Variants in CEBPZOS observed in about 807,000 individuals in gnomAD.
CEBPZOS encodes protein CEBPZOS.
Under a neutral mutation model 4.8 loss-of-function variants are expected in CEBPZOS, and 10 were observed. The ratio of observed to expected loss-of-function variants is 2.07; its 90% CI spans 1.28 to 3.52. CEBPZOS has a LOEUF of 3.52. Ranked by LOEUF, CEBPZOS falls within the 30% of genes most tolerant of loss-of-function variation. CEBPZOS has a pLI of 0.00. For synonymous variants in CEBPZOS, 25 were observed against 14.2 expected, an observed-to-expected ratio of 1.77 and a Z score of -1.72; for missense variants, 98 against 43.6, an observed-to-expected ratio of 2.25 and a Z score of -3.51.
At chr2:37,210,725 C>G (rs1677694302) in intron 4 of CEBPZOS, 1 of 318,678 alleles carries the variant, frequency 3.1e-6, no homozygotes, top group Non-Finnish European at 5.9e-6. Flanking sequence ...AAGAACTTAC[C>G]TATGTAACCA....
chr2:37,209,795 C>T (rs1677661120), intron 4 of CEBPZOS: 1 of 152,032 alleles, frequency 6.6e-6, no homozygotes, highest in African/African-American at 2.4e-5. Flanking sequence ...CTTAATTAAG[C>T]TAAAAAGCGT....
At chr2:37,201,770 C>T (rs758668583) in intron 4 of CEBPZOS, 44 bp downstream of exon 4, 4 of 1,406,192 alleles carry the variant, frequency 2.8e-6, no homozygotes, top group South Asian at 2.3e-5. Flanking sequence ...TAACTCATTT[C>T]CTTTGTTTTT....
Position 37,201,691 on chromosome 2 carries a change from A to G in CEBPZOS, c.210A>G (p.Leu70=). Residue 70 remains leucine (L), a synonymous_variant, in exon 4 of 5, where the codon CTA becomes CTG. Transcript: ENST00000402297. ...EKSGMYGIRE[L]DQKTWLNSKN is the part of the protein sequence containing the mutation. The stretch of plus-strand genomic sequence containing the variant: ...CTGGAATGTATGGAATCAGAGAGCT[A>G]GATCAAAAAACATGGTTGAACAGCA... 1 of 895,448 alleles carries G rather than the reference A, an allele frequency of 1.1e-6. No individual in the cohort carries two copies. Among genetic ancestry groups the G allele is most frequent in the Non-Finnish European group, 1.8e-6 (1 of 547,292 alleles). The allele number at this position is 895,448 out of a possible 1,614,324, so 55.5% of individuals were successfully genotyped here.
downstream of CEBPZOS, among the ~76,000 whole-genome samples, chr2:37,208,320 C>T (rs1026338122): frequency 3.3e-5 from 5 of 151,988 alleles, no homozygotes; most frequent in African/African-American, 1.2e-4. Flanking sequence ...GCCCTAATTC[C>T]AAAATCAGGA....
downstream of CEBPZOS, among the ~76,000 whole-genome samples, chr2:37,208,694 C>T (rs1170003809): frequency 2.0e-5 from 3 of 152,016 alleles, no homozygotes; most frequent in Non-Finnish European, 2.9e-5. Context: ...TTATACTGAA[C>T]AGGGAAAAGT....
At chr2:37,205,669 C>A (rs2148338385), downstream of CEBPZOS, among the ~76,000 whole-genome samples, 1 of 152,272 alleles carries the variant, frequency 6.6e-6, no homozygotes, top group African/African-American at 2.4e-5. Flanking sequence ...TTTAACTTTG[C>A]AGATCTATTT....
intron 3 of CEBPZOS, 104 bp downstream of exon 3, chr2:37,201,196 C>T: frequency 3.1e-6 from 2 of 642,150 alleles, no homozygotes; most frequent in Non-Finnish European, 2.8e-6. Context: ...ATACTATTCA[C>T]ATGTATTTTA....
At chr2:37,207,314 C>T (rs754133918), downstream of CEBPZOS, among the ~76,000 whole-genome samples, 1 of 152,116 alleles carries the variant, frequency 6.6e-6, no homozygotes, top group African/African-American at 2.4e-5. Context: ...TTAACAGATA[C>T]CTACGGAACA....
rs778510921 is a variant in CEBPZOS at position 37,211,839 on chromosome 2, T to C, written c.*3-1598T>C. 6.1e-5 allele frequency: 96 copies of C among 1,577,518 alleles called. 2 individuals are homozygous for C. The highest frequency in any genetic ancestry group is 1.4e-5 in the Non-Finnish European group (16 of 1,165,866). On this transcript the variant is annotated intron_variant, in intron 4 of 4. Coordinates refer to the CEBPZOS transcript ENST00000397064. ...GTTTATGTCTTATTTTAAAAAATGCTTACCTGGAACGCTCTCACTTTCATC... is the reference window on the plus strand; with the variant it reads ...GTTTATGTCTTATTTTAAAAAATGCCTACCTGGAACGCTCTCACTTTCATC...
At chr2:37,211,244 GAA>G (rs1296458918) in intron 4 of CEBPZOS, 4 of 443,024 alleles carry the variant, frequency 9.0e-6, no homozygotes, top group Non-Finnish European at 1.6e-5. Context: ...GACAGACTGA[GAA>G]AAAGACTCTA....
At chr2:37,216,001 C>A, downstream of CEBPZOS, 6 of 532,798 alleles carry the variant, frequency 1.1e-5, no homozygotes, top group Admixed American at 8.0e-5. Context: ...TTAAGAATAC[C>A]TATTCTTGGG....
At chr2:37,198,117 G>C (rs948681415) in intron 1 of CEBPZOS, among the ~76,000 whole-genome samples, 1 of 150,738 alleles carries the variant, frequency 6.6e-6, no homozygotes, top group African/African-American at 2.4e-5. Flanking sequence ...CCAAGATCGC[G>C]CCACTGCACT....
chr2:37,209,008 GAATC>G (rs1216879426), downstream of CEBPZOS: 3 of 141,720 alleles, frequency 2.1e-5, no homozygotes, highest in African/African-American at 8.0e-5. Flanking sequence ...ACCAAGCTGA[GAATC>G]AAATCAATTA....
chr2:37,212,640 T>C (rs1572499450), intron 4 of CEBPZOS: 4 of 512,200 alleles, frequency 7.8e-6, no homozygotes, highest in Non-Finnish European at 1.4e-5. Context: ...AGTTCTTTTA[T>C]GGAAAGAGGA....
intron 4 of CEBPZOS, among the ~76,000 whole-genome samples, chr2:37,212,850 A>C (rs1212014540): frequency 6.7e-6 from 1 of 148,548 alleles, no homozygotes; most frequent in Non-Finnish European, 1.5e-5. Flanking sequence ...AAAAAAAAAA[A>C]ACAAAAACAA....
chr2:37,202,922 G>C lies in CEBPZOS; in HGVS notation c.*1062G>C. 1 of 1,592,718 alleles carries C rather than the reference G, an allele frequency of 6.3e-7. No homozygotes were observed. The highest frequency in any genetic ancestry group is 8.6e-7 in the Non-Finnish European group (1 of 1,167,050). ...AACTAAAAATAATGTAGAATAGCTAGCTTGTTAAAACAGTACATTAGCCTT... is the reference window on the plus strand; with the variant it reads ...AACTAAAAATAATGTAGAATAGCTACCTTGTTAAAACAGTACATTAGCCTT... On this transcript the variant is annotated 3_prime_UTR_variant, in exon 5 of 5. Coordinates refer to ENST00000402297, the MANE Select transcript of CEBPZOS (RefSeq NM_001322374.2).
At chr2:37,197,937 G>A (rs186908421) in intron 1 of CEBPZOS, among the ~76,000 whole-genome samples, 46 of 152,268 alleles carry the variant, frequency 3.0e-4, no homozygotes, top group Admixed American at 2.0e-4. Flanking sequence ...GAGGCCTGTG[G>A]ATTGCCTGAG....
intron 4 of CEBPZOS, chr2:37,210,752 C>G (rs1039421229): frequency 1.3e-5 from 5 of 380,028 alleles, no homozygotes; most frequent in Non-Finnish European, 2.4e-5. Context: ...CTACCTGTTC[C>G]CCAAAAACAA....
At position 37,201,709 on chromosome 2, in the gene CEBPZOS, G is replaced by T; in HGVS notation, c.228G>T (p.Leu76Phe). ...GIRELDQKTW[L>F]NSKN ...GAGAGCTAGATCAAAAAACATGGTT[G>T]AACAGCAAAAATTAGATGTAAGTAG... The change falls in exon 4 of 5, where the codon TTG becomes TTT. Residue 76 changes from leucine (L) to phenylalanine (F), a missense_variant. Coordinates refer to ENST00000402297, the MANE Select transcript of CEBPZOS (RefSeq NM_001322374.2). 9.2e-7 allele frequency: 1 copy of T among 1,087,802 alleles called. No homozygotes were observed. The highest frequency in any genetic ancestry group is 1.4e-6 in the Non-Finnish European group (1 of 722,934). The allele number at this position is 1,087,802 out of a possible 1,614,324, so 67.4% of individuals were successfully genotyped here.
Sources: gnomAD v4.1 joint callset for allele counts (sites outside exome capture counted in the v4.1 genomes callset) on GRCh38, gnomAD v4.1.1 for gene constraint, MANE v1.5 for transcripts, NCBI Gene and HGNC (gene_info 2026-07-23, HGNC 2026-07-21) for gene names.